MRPL48: variants seen among roughly 807,000 people sequenced by gnomAD.
MRPL48 encodes large ribosomal subunit protein mL48.
MRPL48 carries 16 observed loss-of-function variants against 32.9 expected under a neutral mutation model. That is an observed-to-expected ratio of 0.49 (90% CI 0.33 to 0.74). MRPL48 has a LOEUF of 0.74. Ranked by LOEUF, MRPL48 falls within the 30% of genes least tolerant of loss-of-function variation. The probability of loss-of-function intolerance (pLI) is 0.02; values close to 1 mark genes in which losing one functional copy is unlikely to be tolerated. For synonymous variants in MRPL48, 94 were observed against 89.2 expected (o/e 1.05, Z -0.31); for missense variants, 206 against 245.3 (o/e 0.84, Z 1.07).
At chr11:73,836,631 A>G (rs894885282) in intron 4 of MRPL48, among the ~76,000 whole-genome samples, 1 of 152,276 alleles carries the variant, frequency 6.6e-6, no homozygotes, top group African/African-American at 2.4e-5. Context: ...GTTATTCAAG[A>G]CCCTGTTTGA....
chr11:73,825,959 T>A (rs1947882093), intron 4 of MRPL48, among the ~76,000 whole-genome samples, 163 bp downstream of exon 4: 1 of 152,210 alleles, frequency 6.6e-6, no homozygotes, highest in Non-Finnish European at 1.5e-5. Context: ...TGGAGATGTT[T>A]CTACCAACTT....
intron 3 of MRPL48, among the ~76,000 whole-genome samples, chr11:73,819,881 G>A (rs1470269685): frequency 6.6e-6 from 1 of 152,182 alleles, no homozygotes; most frequent in Non-Finnish European, 1.5e-5. Flanking sequence ...CTGGGCAACA[G>A]AGCGGTTCCT....
chr11:73,863,886 G>C (rs1948625817), intron 7 of MRPL48, among the ~76,000 whole-genome samples: 1 of 152,094 alleles, frequency 6.6e-6, no homozygotes, highest in Admixed American at 6.5e-5. Flanking sequence ...CTTCTGGTTG[G>C]TATTTGGGTT....
rs557861868 is a variant in MRPL48, at chr11:73,856,998, G to C, written c.372-2909G>C. Among the ~76,000 whole-genome samples, 3 of 152,228 alleles carry C rather than the reference G, an allele frequency of 2.0e-5. No individual in the cohort carries two copies. The South Asian group carries it at 6.2e-4, about 32-fold the overall frequency. ...CACTACCTCCTGTGAGGCTTTCCCT[G>C]AGCCCCCCTTTCCGCCCCTTCTTGT... On this transcript the variant is annotated intron_variant, in intron 5 of 7. Transcript: ENST00000310614.
At chr11:73,837,357 T>G (rs1948121479) in intron 4 of MRPL48, among the ~76,000 whole-genome samples, 2 of 152,166 alleles carry the variant, frequency 1.3e-5, no homozygotes, top group Non-Finnish European at 2.9e-5. Context: ...CAAGCCATTT[T>G]CCTTTTCTGG....
At chr11:73,810,196 G>A (rs1947539755) in intron 3 of MRPL48, among the ~76,000 whole-genome samples, 1 of 152,068 alleles carries the variant, frequency 6.6e-6, no homozygotes, top group African/African-American at 2.4e-5. Flanking sequence ...GATACTTTAC[G>A]CTTGAATACT....
At chr11:73,834,380 A>G (rs1276754294) in intron 4 of MRPL48, among the ~76,000 whole-genome samples, 8 of 152,296 alleles carry the variant, frequency 5.3e-5, no homozygotes, top group Middle Eastern at 3.4e-3. Context: ...TATTACTTCT[A>G]TCTCATGGTT....
chr11:73,796,059 T>A (rs972521157), intron 1 of MRPL48, among the ~76,000 whole-genome samples: 1 of 152,242 alleles, frequency 6.6e-6, no homozygotes, highest in African/African-American at 2.4e-5. Context: ...CTGCCATCAC[T>A]CTGGCTGCAG....
intron 3 of MRPL48, among the ~76,000 whole-genome samples, chr11:73,808,778 C>G (rs1469247524): frequency 6.6e-6 from 1 of 152,156 alleles, no homozygotes; most frequent in East Asian, 1.9e-4. Flanking sequence ...AAAAAATTAG[C>G]TGGGCGTGGT....
At chr11:73,794,448 G>A (rs911701463) in intron 1 of MRPL48, among the ~76,000 whole-genome samples, 2 of 151,520 alleles carry the variant, frequency 1.3e-5, no homozygotes, top group East Asian at 4.0e-4. Context: ...CCAGCTACTC[G>A]GGAGGTTGAG....
intron 4 of MRPL48, among the ~76,000 whole-genome samples, chr11:73,831,409 C>T (rs1947991112): frequency 6.6e-6 from 1 of 152,196 alleles, no homozygotes; most frequent in African/African-American, 2.4e-5. Flanking sequence ...TTTCCTGCCT[C>T]TCTGCCTTTG....
At chr11:73,811,353 ATGAC>A (rs1947562746) in intron 3 of MRPL48, among the ~76,000 whole-genome samples, 1 of 152,194 alleles carries the variant, frequency 6.6e-6, no homozygotes, top group Non-Finnish European at 1.5e-5. Context: ...TAGGAAAAAA[ATGAC>A]TGTAGACAAT....
At chr11:73,810,623 A>G (rs1482580880) in intron 3 of MRPL48, among the ~76,000 whole-genome samples, 1 of 150,198 alleles carries the variant, frequency 6.7e-6, no homozygotes, top group Non-Finnish European at 1.5e-5. Context: ...GTTTTGTTAC[A>G]TAGATACACG....
At chr11:73,815,837 C>G (rs914385656) in intron 3 of MRPL48, among the ~76,000 whole-genome samples, 2 of 151,944 alleles carry the variant, frequency 1.3e-5, no homozygotes, top group African/African-American at 4.8e-5. Flanking sequence ...CATCCTCTCA[C>G]CTCAGACTCC....
intron 1 of MRPL48, among the ~76,000 whole-genome samples, chr11:73,792,337 ACT>A (rs1947166902): frequency 6.6e-6 from 1 of 152,134 alleles, no homozygotes; most frequent in Admixed American, 6.6e-5. Context: ...GATGCCACTC[ACT>A]CTGAGATAAC....
At chr11:73,826,343 A>G (rs906502296) in intron 4 of MRPL48, among the ~76,000 whole-genome samples, 2 of 151,666 alleles carry the variant, frequency 1.3e-5, no homozygotes, top group East Asian at 1.9e-4. Context: ...TGTAATACTT[A>G]AAAAAAAATC....
At chr11:73,798,146 C>T (rs540352629) in intron 1 of MRPL48, among the ~76,000 whole-genome samples, 37 of 152,158 alleles carry the variant, frequency 2.4e-4, no homozygotes, top group African/African-American at 4.3e-4. Flanking sequence ...GGCATAATCT[C>T]GGCTCACTGC....
intron 4 of MRPL48, among the ~76,000 whole-genome samples, chr11:73,828,353 C>A (rs1442318956): frequency 6.6e-6 from 1 of 151,680 alleles, no homozygotes; most frequent in Non-Finnish European, 1.5e-5. Context: ...GCCTCCTGAG[C>A]AGCTGGGACT....
chr11:73,808,126 G>C (rs1334130649), intron 2 of MRPL48, among the ~76,000 whole-genome samples, 187 bp from the exon 3 acceptor site: 3 of 152,094 alleles, frequency 2.0e-5, no homozygotes, highest in Non-Finnish European at 2.9e-5. Context: ...ACTTATATTT[G>C]CATTCTCAGG....
Sources: gnomAD v4.1 joint callset for allele counts (sites outside exome capture counted in the v4.1 genomes callset) on GRCh38, gnomAD v4.1.1 for gene constraint, MANE v1.5 for transcripts, NCBI Gene and HGNC (gene_info 2026-07-23, HGNC 2026-07-21) for gene names.